RORB: variants seen among roughly 807,000 people sequenced by gnomAD.
RORB encodes nuclear receptor ROR-beta.
In RORB, 6 loss-of-function variants were observed where a neutral mutation model predicts 59.1. The ratio of observed to expected loss-of-function variants is 0.10; its 90% confidence interval spans 0.06 to 0.20. The LOEUF is 0.20. Among genes scored for constraint, RORB ranks in the 10% least tolerant of loss-of-function variants. The pLI, the probability that RORB is intolerant of heterozygous loss-of-function variation, is 1.00. For synonymous variants in RORB, 215 were observed against 204.5 expected (o/e 1.05, Z -0.44); for missense variants, 320 against 560.5 (o/e 0.57, Z 4.33).
chr9:74,682,743 AT>A (rs1207356142), intron 9 of RORB, among the ~76,000 whole-genome samples: 1 of 152,160 alleles, frequency 6.6e-6, no homozygotes, highest in Non-Finnish European at 1.5e-5. Flanking sequence ...TTCAAATTCA[AT>A]GTATAATTTA....
rs1320378894 is a variant in RORB at position 74,685,851 on chromosome 9, C to CT, written c.*234dup. 3 of 320,972 alleles carry CT rather than the reference C, an allele frequency of 9.3e-6. No individual in the cohort carries two copies. The highest frequency in any genetic ancestry group is 1.7e-5 in the Non-Finnish European group (3 of 177,494). 19.9% of individuals were successfully genotyped at this position (320,972 alleles called of 1,614,324 possible). On this transcript the variant is annotated 3_prime_UTR_variant, in exon 10 of 10. Transcript: ENST00000376896. ...ACCATAAATATACAAATATAGGACA[C>CT]TGGGTGTTATCCTTTTTTTAATTTT...
At chr9:74,623,641 C>G (rs949806429) in intron 1 of RORB, among the ~76,000 whole-genome samples, 2 of 152,206 alleles carry the variant, frequency 1.3e-5, no homozygotes, top group African/African-American at 4.8e-5. Flanking sequence ...ATGCTAGCCT[C>G]AGGATCTCAT....
intron 1 of RORB, among the ~76,000 whole-genome samples, chr9:74,540,172 C>G (rs533859171): frequency 6.6e-6 from 1 of 152,142 alleles, no homozygotes; most frequent in South Asian, 2.1e-4. Flanking sequence ...TTGTTTATGT[C>G]ATTGATCTGC....
At chr9:74,639,908 G>C (rs548219863) in intron 3 of RORB, among the ~76,000 whole-genome samples, 311 of 152,262 alleles carry the variant, frequency 2.0e-3, no homozygotes, top group African/African-American at 7.3e-3. Context: ...GTAATATAAA[G>C]ATACAGAGGA....
At chr9:74,518,256 G>A (rs1826036731) in intron 1 of RORB, among the ~76,000 whole-genome samples, 1 of 151,918 alleles carries the variant, frequency 6.6e-6, no homozygotes, top group South Asian at 2.1e-4. Context: ...GCTTCCCTCC[G>A]TGGCACCGTT....
chr9:74,604,287 C>A (rs1823115936), intron 1 of RORB, among the ~76,000 whole-genome samples: 2 of 152,182 alleles, frequency 1.3e-5, no homozygotes, highest in Non-Finnish European at 2.9e-5. Flanking sequence ...AACTCCTTGG[C>A]AAGGCCATTT....
At chr9:74,559,934 C>T (rs1017208039) in intron 1 of RORB, among the ~76,000 whole-genome samples, 5 of 152,270 alleles carry the variant, frequency 3.3e-5, no homozygotes, top group East Asian at 1.9e-4. Context: ...AAGAATTCCA[C>T]ATAAATGTCA....
intron 4 of RORB, among the ~76,000 whole-genome samples, chr9:74,647,082 GCAA>G (rs1420840401): frequency 2.6e-5 from 4 of 152,154 alleles, no homozygotes; most frequent in Non-Finnish European, 4.4e-5. Context: ...TGAAAGAATG[GCAA>G]CAAGTAAGCC....
intron 7 of RORB, 95 bp from the exon 8 acceptor site, chr9:74,667,696 C>T: frequency 1.3e-6 from 1 of 753,490 alleles, no homozygotes; most frequent in Non-Finnish European, 2.4e-6. Context: ...CTAGTATGCA[C>T]CTCCTTGGAT....
chr9:74,510,517 T>G (rs1370293576), intron 1 of RORB, among the ~76,000 whole-genome samples: 1 of 152,102 alleles, frequency 6.6e-6, no homozygotes, highest in Non-Finnish European at 1.5e-5. Context: ...CTCTACAAAA[T>G]GTAATAGCAG....
intron 1 of RORB, among the ~76,000 whole-genome samples, chr9:74,540,786 T>C (rs1826393967): frequency 6.6e-6 from 1 of 152,166 alleles, no homozygotes; most frequent in Non-Finnish European, 1.5e-5. Flanking sequence ...CACATAAATA[T>C]ATCATCTTGT....
chr9:74,536,693 A>G (rs1038311858), intron 1 of RORB, among the ~76,000 whole-genome samples: 7 of 152,028 alleles, frequency 4.6e-5, no homozygotes, highest in African/African-American at 7.2e-5. Flanking sequence ...ATCTGGACTC[A>G]TTTGTTAAAT....
At chr9:74,620,073 G>C (rs1412734641) in intron 1 of RORB, among the ~76,000 whole-genome samples, 3 of 152,290 alleles carry the variant, frequency 2.0e-5, no homozygotes, top group Middle Eastern at 6.8e-3. Flanking sequence ...AGTTAGGGAG[G>C]ATTTCCTCTT....
intron 1 of RORB, among the ~76,000 whole-genome samples, chr9:74,563,217 G>T (rs1461136226): frequency 2.2e-5 from 3 of 133,484 alleles, no homozygotes; most frequent in Admixed American, 8.7e-5. Flanking sequence ...ATGGAGTCTC[G>T]CTCTGTCGCC....
intron 1 of RORB, among the ~76,000 whole-genome samples, chr9:74,546,476 G>A (rs1288679860): frequency 6.6e-6 from 1 of 152,116 alleles, no homozygotes; most frequent in Admixed American, 6.6e-5. Flanking sequence ...TGTCACAGAA[G>A]CAAGTGAAAA....
At chr9:74,634,135 G>A (rs1823664122) in intron 2 of RORB, among the ~76,000 whole-genome samples, 1 of 127,556 alleles carries the variant, frequency 7.8e-6, no homozygotes, top group Non-Finnish European at 1.8e-5. Context: ...AAAATTTTAT[G>A]GTGGGGAAAA....
rs1266028347 is a variant in RORB at position 74,685,486 on chromosome 9, C to A, written c.1248C>A (p.Ile416=). The A allele has an allele frequency of 6.8e-6, 11 of 1,612,344 alleles. No homozygotes were observed. The highest frequency in any genetic ancestry group is 9.3e-6 in the Non-Finnish European group (11 of 1,178,898). Residue 416 remains isoleucine (I), a synonymous_variant, in exon 10 of 10, where the codon ATC becomes ATA. Coordinates refer to ENST00000376896, the MANE Select transcript of RORB (RefSeq NM_006914.4). The part of the protein sequence containing the change: ...LAKLIAKIPT[I]TAVCNLHGEK... ...AGTTAATAGCCAAGATACCAACCAT[C>A]ACGGCAGTTTGCAACTTGCACGGGG... is the stretch of plus-strand genomic sequence containing the variant.
chr9:74,615,052 C>T (rs1823290125), intron 1 of RORB, among the ~76,000 whole-genome samples: 1 of 152,164 alleles, frequency 6.6e-6, no homozygotes, highest in South Asian at 2.1e-4. Flanking sequence ...TAAACTGCTC[C>T]TCTGCTGTAT....
rs190415282 is a variant in RORB, at chr9:74,529,561, A to C, written c.7+31578A>C. 1.8e-3 allele frequency among the ~76,000 whole-genome samples: 278 copies of C among 151,850 alleles called. 3 individuals carry two copies. Among genetic ancestry groups the C allele is most frequent in the Admixed American group, 3.5e-3 (54 of 15,250 alleles). Reference sequence around the variant, plus strand: ...GGCTCAATGACTTTTGAGAATTAAAATAGTAAAATATACTATTAATAAATA... The same window carrying C: ...GGCTCAATGACTTTTGAGAATTAAACTAGTAAAATATACTATTAATAAATA... On this transcript the variant is annotated intron_variant, in intron 1 of 9. Coordinates refer to ENST00000376896, the MANE Select transcript of RORB (RefSeq NM_006914.4).
Sources: allele counts gnomAD v4.1 joint callset (sites outside exome capture counted in the v4.1 genomes callset), GRCh38; gene constraint gnomAD v4.1.1; transcripts MANE v1.5; gene names NCBI Gene and HGNC (gene_info 2026-07-23, HGNC 2026-07-21).